Variants in BICRA observed in about 807,000 individuals in gnomAD.
The protein encoded by BICRA is BRD4 interacting chromatin remodeling complex associated protein.
A neutral mutation model predicts 96.9 loss-of-function variants in BICRA; 31 were observed. The ratio of observed to expected loss-of-function variants is 0.32; its 90% CI spans 0.24 to 0.43. The LOEUF (loss-of-function observed/expected upper bound fraction) is 0.43. BICRA is among the 20% of genes least tolerant of loss of function. The probability of loss-of-function intolerance (pLI) is 1.00; values close to 1 mark genes in which losing one functional copy is unlikely to be tolerated. For synonymous variants in BICRA, 1,350 were observed against 1,071.8 expected (o/e 1.26, Z -5.07); for missense variants, 2,283 against 2,190.3 (o/e 1.04, Z -0.84).
intron 1 of BICRA, among the ~76,000 whole-genome samples, chr19:47,669,891 C>A (rs1026787595): frequency 6.6e-6 from 1 of 151,730 alleles, no homozygotes; most frequent in African/African-American, 2.4e-5. Flanking sequence ...CTCCTGACCT[C>A]GCGATCCACC....
Position 47,680,868 on chromosome 19 carries a change from G to A in BICRA, c.1698G>A (p.Leu566=), listed in dbSNP as rs758927270. ...CCGTGTCGCTGGCGGCGGGCAGCCT[G>A]CCCACGCAGAGCCAGCCAGCGCCCG... ...QMPVSLAAGS[L]PTQSQPAPAG... Residue 566 remains leucine (L), a synonymous_variant, in exon 6 of 15, where the codon CTG becomes CTA. Coordinates refer to ENST00000594866, the MANE Select transcript of BICRA (RefSeq NM_001394372.1). 10 of 1,535,036 alleles carry A rather than the reference G, an allele frequency of 6.5e-6. No homozygotes were observed. Among genetic ancestry groups the A allele is most frequent in the Non-Finnish European group, 8.7e-6 (10 of 1,151,778 alleles).
intron 1 of BICRA, among the ~76,000 whole-genome samples, chr19:47,668,274 C>G (rs1972812228): frequency 6.6e-6 from 1 of 152,058 alleles, no homozygotes; most frequent in Non-Finnish European, 1.5e-5. Context: ...TTCACAGATC[C>G]CGTATTTGCG....
intron 1 of BICRA, among the ~76,000 whole-genome samples, chr19:47,612,715 A>G (rs1971927227): frequency 6.6e-6 from 1 of 151,820 alleles, no homozygotes; most frequent in Non-Finnish European, 1.5e-5. Flanking sequence ...GCCATTTTAC[A>G]GATGGGGAAA....
chr19:47,625,575 T>G (rs1161708404), intron 1 of BICRA, among the ~76,000 whole-genome samples: 1 of 152,118 alleles, frequency 6.6e-6, no homozygotes, highest in Admixed American at 6.6e-5. Context: ...AGGTGACCTT[T>G]ATACAGATCG....
At chr19:47,667,607 A>G (rs1426596106) in intron 1 of BICRA, among the ~76,000 whole-genome samples, 1 of 152,132 alleles carries the variant, frequency 6.6e-6, no homozygotes, top group Non-Finnish European at 1.5e-5. Context: ...TTCCAGAGGA[A>G]AAGAATCCTG....
chr19:47,682,161 A>T lies in BICRA; in HGVS notation c.2283+9A>T. ...CGGCTCCGGCCCCCCAGGTAGAGGG[A>T]CCCCAGCAGCCTGTGTCCGCAGCAC... On this transcript the variant is annotated intron_variant, in intron 7 of 14. Transcript: ENST00000594866. 2 of 1,334,200 alleles carry T rather than the reference A, an allele frequency of 1.5e-6. No individual in the cohort carries two copies. Among genetic ancestry groups the T allele is most frequent in the South Asian group, 2.7e-5 (2 of 74,984 alleles). 82.6% of individuals were successfully genotyped at this position (1,334,200 alleles called of 1,614,324 possible). A position where few individuals can be genotyped will look rare whatever the true frequency, so the allele number is the denominator to read the frequency against.
chr19:47,619,003 G>C (rs371817852), intron 1 of BICRA, among the ~76,000 whole-genome samples: 77 of 152,244 alleles, frequency 5.1e-4, no homozygotes, highest in African/African-American at 1.8e-3. Flanking sequence ...CACCTGGCAC[G>C]CATAGTGTCT....
chr19:47,624,569 G>A (rs1972112595), intron 1 of BICRA, among the ~76,000 whole-genome samples: 1 of 152,130 alleles, frequency 6.6e-6, no homozygotes, highest in Admixed American at 6.6e-5. Flanking sequence ...GCTTGTGACT[G>A]GGAAAATGAT....
intron 5 of BICRA, chr19:47,679,088 T>C (rs1244731532): frequency 2.6e-6 from 1 of 382,032 alleles, no homozygotes; most frequent in Non-Finnish European, 4.6e-6. Flanking sequence ...TTAAAATTTT[T>C]TTCTCACTGC....
Position 47,679,787 on chromosome 19 carries a change from T to C in BICRA, c.617T>C (p.Val206Ala). 7 of 1,496,860 alleles carry C rather than the reference T, an allele frequency of 4.7e-6. No homozygotes were observed. The highest frequency in any genetic ancestry group is 5.3e-6 in the Non-Finnish European group (6 of 1,125,016). The allele number at this position is 1,496,860 out of a possible 1,614,324, so 92.7% of individuals were successfully genotyped here. The change falls in exon 6 of 15, where the codon GTG (valine) becomes GCG (alanine). Residue 206 changes from valine to alanine, a missense_variant. Val to Ala is a moderately conservative substitution (Grantham distance 64). Transcript: ENST00000594866. ...PFLQPVGLGN[V>A]TLQPIPGLQG... ...CTGCAGCCTGTGGGCCTGGGCAATG[T>C]GACACTGCAGCCCATCCCGGGCCTC...
At chr19:47,653,809 C>T (rs1017853416) in intron 1 of BICRA, among the ~76,000 whole-genome samples, 24 of 152,248 alleles carry the variant, frequency 1.6e-4, no homozygotes, top group Non-Finnish European at 2.9e-5. Flanking sequence ...AAAGGTGCTG[C>T]GGATGTTCAC....
intron 1 of BICRA, among the ~76,000 whole-genome samples, chr19:47,612,813 A>G (rs917680843): frequency 6.6e-6 from 1 of 152,146 alleles, no homozygotes; most frequent in African/African-American, 2.4e-5. Context: ...GTATTTGTCA[A>G]CAGAACTGGG....
chr19:47,648,545 T>G (rs7258311), intron 1 of BICRA, among the ~76,000 whole-genome samples: 2 of 151,096 alleles, frequency 1.3e-5, no homozygotes, highest in African/African-American at 4.9e-5. Flanking sequence ...GGGGAGGGCT[T>G]GTGACTACAG....
In BICRA at chr19:47,699,716, A is replaced by G. The variant is rs1295602530; in HGVS notation, c.3595+311A>G. ...AGAGCAGGCGCCTAGGTTGCAAAAT[A>G]TATAAGGTAACGCCCACTCTTGGGT... is the stretch of plus-strand genomic sequence containing the variant. On this transcript the variant is annotated intron_variant, in intron 14 of 14. Coordinates refer to ENST00000594866, the MANE Select transcript of BICRA (RefSeq NM_001394372.1). The surrounding 1 kb of genome is among the most constrained non-coding windows in gnomAD (Gnocchi z 5.0). Among the ~76,000 whole-genome samples, 1 of 152,190 alleles carries G rather than the reference A, an allele frequency of 6.6e-6. No homozygotes were observed. The highest frequency in any genetic ancestry group is 1.5e-5 in the Non-Finnish European group (1 of 68,034).
At chr19:47,631,313 C>T (rs1972218986) in intron 1 of BICRA, among the ~76,000 whole-genome samples, 1 of 152,044 alleles carries the variant, frequency 6.6e-6, no homozygotes, top group Non-Finnish European at 1.5e-5. Context: ...CTGCAACCTC[C>T]GCCTCCTGGG....
intron 1 of BICRA, among the ~76,000 whole-genome samples, chr19:47,658,605 C>G (rs1270341917): frequency 7.1e-6 from 1 of 141,282 alleles, no homozygotes; most frequent in African/African-American, 2.8e-5. Context: ...GCGCTCCAGC[C>G]TGGGTGACAG....
rs374074311 is a variant in BICRA at position 47,697,698 on chromosome 19, G to A, written c.3249-936G>A. Among the ~76,000 whole-genome samples, 12 of 151,988 alleles carry A rather than the reference G, an allele frequency of 7.9e-5. No homozygotes were observed. The East Asian group carries it at 2.1e-3, about 27-fold the overall frequency. On this transcript the variant is annotated intron_variant, in intron 11 of 14. Coordinates refer to ENST00000594866, the MANE Select transcript of BICRA (RefSeq NM_001394372.1). ...TCATTATGTTGGCCAGTCTGGTCTT[G>A]AACTTCTGGCCTCAGGTGACCCACC...
rs145350019 is a variant in BICRA at position 47,656,675 on chromosome 19, G to A, written c.-107-13768G>A. Among the ~76,000 whole-genome samples the A allele has an allele frequency of 4.7e-4, 72 of 152,184 alleles. 1 individual carries two copies. Among genetic ancestry groups the A allele is most frequent in the African/African-American group, 1.6e-3 (65 of 41,526 alleles). ...GCAGTAAAATGCACAAAACTGAAGC[G>A]CGCAGCTTGATGTTTTCTGACAAAT... is the stretch of plus-strand genomic sequence containing the variant. On this transcript the variant is annotated intron_variant, in intron 1 of 14. Coordinates refer to ENST00000594866, the MANE Select transcript of BICRA (RefSeq NM_001394372.1).
intron 1 of BICRA, among the ~76,000 whole-genome samples, chr19:47,668,405 G>A (rs1253673253): frequency 6.6e-6 from 1 of 152,026 alleles, no homozygotes; most frequent in Non-Finnish European, 1.5e-5. Context: ...GGTGGGGCCT[G>A]ATGTCTTGTT....
Sources: allele counts gnomAD v4.1 joint callset (sites outside exome capture counted in the v4.1 genomes callset), GRCh38; gene constraint gnomAD v4.1.1; non-coding constraint Gnocchi (gnomAD v3.1); transcripts MANE v1.5; gene names NCBI Gene and HGNC (gene_info 2026-07-23, HGNC 2026-07-21).